KIAA1217: variants seen among roughly 807,000 people sequenced by gnomAD.
The protein encoded by KIAA1217 is sickle tail protein homolog.
In KIAA1217, 88 loss-of-function variants were observed where a neutral mutation model predicts 163.9. That is an observed-to-expected ratio of 0.54 (90% CI 0.45 to 0.64). KIAA1217 has a LOEUF of 0.64. KIAA1217 is among the 30% of genes least tolerant of loss of function. The pLI, the probability that KIAA1217 is intolerant of heterozygous loss-of-function variation, is 0.00. For missense variants in KIAA1217, 2,372 were observed against 2,475.0 expected (o/e 0.96, Z 0.88); for synonymous variants, 903 against 923.1 (o/e 0.98, Z 0.39).
At chr10:24,419,898 G>A (rs902811679) in intron 3 of KIAA1217, among the ~76,000 whole-genome samples, 2 of 152,044 alleles carry the variant, frequency 1.3e-5, no homozygotes, top group Non-Finnish European at 2.9e-5. Context: ...TGTTCACTCA[G>A]CATTATGTTT....
In KIAA1217 at chr10:23,812,744, CAGT is replaced by C. The variant is rs1362542612; in HGVS notation, c.-321+117513_-321+117515del. Among the ~76,000 whole-genome samples, 3 of 152,142 alleles carry C rather than the reference CAGT, an allele frequency of 2.0e-5. No individual in the cohort carries two copies. The East Asian group carries it at 5.8e-4, about 29-fold the overall frequency. On this transcript the variant is annotated intron_variant, in intron 1 of 18. Coordinates refer to the KIAA1217 transcript ENST00000376462. The stretch of plus-strand genomic sequence containing the variant: ...TTTACCATTCACTTATTTTCTTTCA[CAGT>C]AGATTTGTCTATTCTAGATAATTTT...
At chr10:23,735,613 T>G (rs1022020860) in intron 1 of KIAA1217, among the ~76,000 whole-genome samples, 7 of 152,120 alleles carry the variant, frequency 4.6e-5, no homozygotes, top group Non-Finnish European at 7.3e-5. Flanking sequence ...TTTTGTGTCT[T>G]TTGCTCATTT....
intron 2 of KIAA1217, among the ~76,000 whole-genome samples, chr10:24,025,969 TTCTC>T (rs1163252922): frequency 6.6e-6 from 1 of 151,862 alleles, no homozygotes; most frequent in Non-Finnish European, 1.5e-5. Context: ...AGTTGTAACT[TTCTC>T]TTTCTAATTG....
intron 4 of KIAA1217, among the ~76,000 whole-genome samples, chr10:24,437,279 C>G (rs7080334): frequency 3.2e-4 from 49 of 152,302 alleles, no homozygotes; most frequent in African/African-American, 1.2e-3. Context: ...TGCTGGTTCC[C>G]CCTCAAGCCG....
At chr10:24,246,242 A>G (rs925268331) in intron 2 of KIAA1217, among the ~76,000 whole-genome samples, 2 of 152,144 alleles carry the variant, frequency 1.3e-5, no homozygotes, top group Non-Finnish European at 2.9e-5. Flanking sequence ...ATTTAAAACT[A>G]TTCTCTCTTC....
intron 2 of KIAA1217, chr10:24,158,187 G>A: frequency 1.3e-6 from 1 of 742,372 alleles, no homozygotes; most frequent in Non-Finnish European, 2.5e-6. Flanking sequence ...TCATGATGCA[G>A]AGTCCTCTTA....
intron 2 of KIAA1217, among the ~76,000 whole-genome samples, chr10:24,202,534 C>T (rs918371757): frequency 3.9e-5 from 6 of 152,180 alleles, no homozygotes; most frequent in South Asian, 4.1e-4. Flanking sequence ...GGCTGCACCA[C>T]GGCCCCCAAG....
At chr10:24,237,989 G>GT (rs1590132978) in intron 2 of KIAA1217, among the ~76,000 whole-genome samples, 5 of 152,138 alleles carry the variant, frequency 3.3e-5, no homozygotes, top group Admixed American at 1.3e-4. Flanking sequence ...GTCATTCTGA[G>GT]TTTTTTTAAC....
At chr10:24,004,898 C>A (rs186053001) in intron 1 of KIAA1217, among the ~76,000 whole-genome samples, 4 of 152,232 alleles carry the variant, frequency 2.6e-5, no homozygotes, top group East Asian at 1.9e-4. Flanking sequence ...AGCTGTGGAA[C>A]CAGGAGTGAC....
intron 17 of KIAA1217, among the ~76,000 whole-genome samples, chr10:24,538,760 A>T (rs2074523123): frequency 8.6e-6 from 1 of 116,640 alleles, no homozygotes; most frequent in Non-Finnish European, 1.7e-5. Flanking sequence ...TGTGAGACCG[A>T]GTCTCACTCT....
intron 2 of KIAA1217, among the ~76,000 whole-genome samples, chr10:24,061,030 A>G (rs1481801471): frequency 2.6e-5 from 4 of 152,052 alleles, no homozygotes; most frequent in Non-Finnish European, 4.4e-5. Flanking sequence ...TGCCATTTTG[A>G]CAATCATTTT....
chr10:24,203,383 C>T (rs1375689588), intron 2 of KIAA1217, among the ~76,000 whole-genome samples: 1 of 152,024 alleles, frequency 6.6e-6, no homozygotes, highest in African/African-American at 2.4e-5. Flanking sequence ...GAACAGGACC[C>T]TGGAGACGAG....
At chr10:24,438,136 G>A (rs1591942434) in intron 4 of KIAA1217, among the ~76,000 whole-genome samples, 1 of 151,948 alleles carries the variant, frequency 6.6e-6, no homozygotes, top group Non-Finnish European at 1.5e-5. Context: ...TATGGGTGGG[G>A]AACTATACTG....
chr10:23,784,764 A>C (rs1313489414), intron 1 of KIAA1217, among the ~76,000 whole-genome samples: 1 of 152,164 alleles, frequency 6.6e-6, no homozygotes, highest in African/African-American at 2.4e-5. Context: ...TTTTAATTTT[A>C]CAATGTCACA....
chr10:24,164,594 AGTTT>A (rs752097233), intron 2 of KIAA1217, among the ~76,000 whole-genome samples: 5 of 152,300 alleles, frequency 3.3e-5, no homozygotes, highest in Non-Finnish European at 7.4e-5. Context: ...AAAAGCTTGT[AGTTT>A]GATGGATGTG....
At chr10:23,796,914 A>G (rs142081304) in intron 1 of KIAA1217, among the ~76,000 whole-genome samples, 1,530 of 152,296 alleles carry the variant, frequency 0.01, 13 homozygotes, top group Non-Finnish European at 0.013. Context: ...GTGCAGTGGT[A>G]TAATCATAGC....
chr10:23,914,842 G>A (rs1258245826), intron 1 of KIAA1217, among the ~76,000 whole-genome samples: 1 of 152,150 alleles, frequency 6.6e-6, no homozygotes, highest in Non-Finnish European at 1.5e-5. Flanking sequence ...CAGTCTTGAT[G>A]TGCAACATTC....
chr10:24,257,086 A>G (rs1431350281), intron 2 of KIAA1217, among the ~76,000 whole-genome samples: 1 of 152,158 alleles, frequency 6.6e-6, no homozygotes, highest in Admixed American at 6.5e-5. Context: ...AGAGTGAGGT[A>G]AGGAAACCCA....
At chr10:23,986,408 C>A (rs1378932310) in intron 1 of KIAA1217, among the ~76,000 whole-genome samples, 1 of 152,164 alleles carries the variant, frequency 6.6e-6, no homozygotes, top group African/African-American at 2.4e-5. Context: ...ATGCTCAAGT[C>A]TCTGATATAA....
Sources: gnomAD v4.1 joint callset for allele counts (sites outside exome capture counted in the v4.1 genomes callset) on GRCh38, gnomAD v4.1.1 for gene constraint, MANE v1.5 for transcripts, NCBI Gene and HGNC (gene_info 2026-07-23, HGNC 2026-07-21) for gene names.